Variants in UNC79 observed in about 807,000 individuals in gnomAD.
UNC79 encodes protein unc-79 homolog.
In UNC79, 37 loss-of-function variants were observed where a neutral mutation model predicts 283.1. The ratio of observed to expected loss-of-function variants is 0.13; its 90% CI spans 0.10 to 0.17. The LOEUF is 0.17. Ranked by LOEUF, UNC79 falls within the 10% of genes least tolerant of loss-of-function variation. The pLI is 1.00. For missense variants in UNC79, 2,272 were observed against 3,211.1 expected (o/e 0.71, Z 7.07); for synonymous variants, 1,107 against 1,200.2 (o/e 0.92, Z 1.61).
intron 27 of UNC79, among the ~76,000 whole-genome samples, chr14:93,615,741 A>AAAAAAAAAAAAG (rs2066667756): frequency 7.0e-6 from 1 of 142,796 alleles, no homozygotes; most frequent in African/African-American, 2.9e-5. Context: ...AAAAAAAAAA[A>AAAAAAAAAAAAG]AAAAGAAAAG....
At chr14:93,671,862 G>A (rs560760708) in intron 40 of UNC79, among the ~76,000 whole-genome samples, 149 of 152,140 alleles carry the variant, frequency 9.8e-4, no homozygotes, top group Non-Finnish European at 1.5e-3. Flanking sequence ...CCACTAAACA[G>A]TGGGCAAAGG....
chr14:93,663,244 A>G (rs1183488239), intron 40 of UNC79, among the ~76,000 whole-genome samples: 2 of 152,068 alleles, frequency 1.3e-5, no homozygotes, highest in East Asian at 1.9e-4. Context: ...TGGTTTCTCT[A>G]TTGCATTATC....
At chr14:93,438,775 A>T (rs937424655) in intron 1 of UNC79, among the ~76,000 whole-genome samples, 1 of 151,650 alleles carries the variant, frequency 6.6e-6, no homozygotes, top group Non-Finnish European at 1.5e-5. Context: ...TATTTTTGTG[A>T]GTATCATATT....
At chr14:93,600,453 G>C in intron 24 of UNC79, 116 bp from the exon 25 acceptor site, 1 of 667,230 alleles carries the variant, frequency 1.5e-6, no homozygotes, top group East Asian at 2.7e-5. Flanking sequence ...TTATAAGTTT[G>C]AATTGAGTAG....
At chr14:93,378,397 T>C (rs1422312604) in intron 1 of UNC79, among the ~76,000 whole-genome samples, 1 of 152,222 alleles carries the variant, frequency 6.6e-6, no homozygotes, top group East Asian at 1.9e-4. Flanking sequence ...GATTAGAGAC[T>C]ATAAAGTGAA....
intron 1 of UNC79, among the ~76,000 whole-genome samples, chr14:93,361,441 A>G (rs2054224748): frequency 1.3e-5 from 2 of 151,036 alleles, no homozygotes; most frequent in Admixed American, 1.3e-4. Flanking sequence ...AGCCCAGGAC[A>G]TTAAGGCTGC....
At chr14:93,641,515 T>C (rs2069034020) in intron 33 of UNC79, among the ~76,000 whole-genome samples, 3 of 152,050 alleles carry the variant, frequency 2.0e-5, no homozygotes, top group African/African-American at 7.2e-5. Flanking sequence ...TAGCCAGGTA[T>C]GATGGTGTGT....
intron 7 of UNC79, among the ~76,000 whole-genome samples, chr14:93,499,445 C>T (rs2059178317): frequency 6.6e-6 from 1 of 152,128 alleles, no homozygotes; most frequent in Admixed American, 6.6e-5. Flanking sequence ...TGAGTAACTA[C>T]TCTGTGCCAG....
chr14:93,632,150 T>C (rs2068081197), intron 31 of UNC79, among the ~76,000 whole-genome samples: 1 of 152,264 alleles, frequency 6.6e-6, no homozygotes, highest in African/African-American at 2.4e-5. Flanking sequence ...AAAGCCATGT[T>C]CATTTTTAGT....
intron 1 of UNC79, among the ~76,000 whole-genome samples, chr14:93,343,219 G>C (rs1044650306): frequency 4.4e-4 from 67 of 152,340 alleles, no homozygotes; most frequent in African/African-American, 1.6e-3. Context: ...CCTGAGACTG[G>C]ATAGTTTATA....
intron 24 of UNC79, among the ~76,000 whole-genome samples, chr14:93,598,609 C>T (rs1358802206): frequency 3.3e-5 from 5 of 151,376 alleles, no homozygotes; most frequent in African/African-American, 1.2e-4. Flanking sequence ...GCAACCTCCG[C>T]CTCCCGGGTT....
At chr14:93,682,457 T>A (rs1427854594) in intron 41 of UNC79, among the ~76,000 whole-genome samples, 160 bp from the exon 45 acceptor site, 1 of 152,186 alleles carries the variant, frequency 6.6e-6, no homozygotes, top group African/African-American at 2.4e-5. Context: ...TCTGAGTTTC[T>A]GATAGGAATG....
chr14:93,348,016 C>T, intron 1 of UNC79: 1 of 1,572,376 alleles, frequency 6.4e-7, no homozygotes, highest in South Asian at 1.1e-5. Flanking sequence ...CGCGTGTCAT[C>T]TTCTCTTCCA....
chr14:93,396,549 C>T (rs1395793915), intron 1 of UNC79, among the ~76,000 whole-genome samples: 1 of 151,938 alleles, frequency 6.6e-6, no homozygotes, highest in African/African-American at 2.4e-5. Flanking sequence ...TATAGTAGTT[C>T]TGGAAGTCAG....
intron 14 of UNC79, among the ~76,000 whole-genome samples, chr14:93,542,910 A>G (rs1235433482): frequency 6.6e-6 from 1 of 151,312 alleles, no homozygotes; most frequent in Non-Finnish European, 1.5e-5. Flanking sequence ...TGCATTTGTG[A>G]GGTATCTTTA....
At chr14:93,642,848 G>C (rs938094651) in intron 33 of UNC79, among the ~76,000 whole-genome samples, 7 of 152,108 alleles carry the variant, frequency 4.6e-5, no homozygotes, top group African/African-American at 1.7e-4. Flanking sequence ...TTAGACTTTC[G>C]CTTCCTTTTA....
intron 1 of UNC79, among the ~76,000 whole-genome samples, chr14:93,390,800 A>G (rs1254053705): frequency 6.6e-6 from 1 of 152,208 alleles, no homozygotes; most frequent in African/African-American, 2.4e-5. Flanking sequence ...AAATTAAAGA[A>G]GCCCCAAATA....
chr14:93,370,173 A>G (rs2054413724), intron 1 of UNC79, among the ~76,000 whole-genome samples: 1 of 152,210 alleles, frequency 6.6e-6, no homozygotes, highest in Non-Finnish European at 1.5e-5. Flanking sequence ...ATTACAGGAC[A>G]TTCTAAAAGA....
At chr14:93,598,428 G>T (rs545740121) in intron 24 of UNC79, among the ~76,000 whole-genome samples, 1 of 151,054 alleles carries the variant, frequency 6.6e-6, no homozygotes, top group African/African-American at 2.4e-5. Context: ...TTAAAACTAG[G>T]TTGGTTTATC....
Sources: allele counts gnomAD v4.1 joint callset (sites outside exome capture counted in the v4.1 genomes callset), GRCh38; gene constraint gnomAD v4.1.1; transcripts MANE v1.5; gene names NCBI Gene and HGNC (gene_info 2026-07-23, HGNC 2026-07-21).